LRRFIP1: variants seen among roughly 807,000 people sequenced by gnomAD.
LRRFIP1 encodes the protein leucine-rich repeat flightless-interacting protein 1.
Under a neutral mutation model 104.4 loss-of-function variants are expected in LRRFIP1, and 62 were observed. The ratio of observed to expected loss-of-function variants is 0.59; its 90% CI spans 0.48 to 0.73. The LOEUF is 0.73. LRRFIP1 is among the 30% of genes least tolerant of loss of function. The pLI is 0.00. For synonymous variants in LRRFIP1, 300 were observed against 299.0 expected, an observed-to-expected ratio of 1.00 and a Z score of -0.03; for missense variants, 796 against 824.5, an observed-to-expected ratio of 0.97 and a Z score of 0.42.
intron 1 of LRRFIP1, chr2:237,692,324 C>G (rs968466056): frequency 2.4e-6 from 3 of 1,231,534 alleles, no homozygotes; most frequent in Non-Finnish European, 2.0e-6. Context: ...CCCGGAAGCG[C>G]GAGCGTTCAC....
intron 1 of LRRFIP1, among the ~76,000 whole-genome samples, chr2:237,644,462 C>T (rs916248269): frequency 6.6e-6 from 1 of 152,198 alleles, no homozygotes; most frequent in Non-Finnish European, 1.5e-5. Context: ...TCCTCAAGAG[C>T]CCTGGGCACC....
Position 237,717,733 on chromosome 2 carries a change from G to C in LRRFIP1, c.202-29G>C. 6.4e-7 allele frequency: 1 copy of C among 1,569,556 alleles called. No individual in the cohort carries two copies. The highest frequency in any genetic ancestry group is 1.1e-5 in the South Asian group (1 of 90,196). ...GCCTTTTTAAGAAATTTCACTTCTT[G>C]CCTAATTTTCTTTCCCTTCTGTCTA... On this transcript the variant is annotated intron_variant, in intron 3 of 23. Coordinates refer to ENST00000308482, the MANE Select transcript of LRRFIP1 (RefSeq NM_001137550.2). This position sits in a 1 kb window ranked among gnomAD's most constrained non-coding sequence, Gnocchi z 4.2.
intron 16 of LRRFIP1, among the ~76,000 whole-genome samples, chr2:237,757,080 C>T (rs767898085): frequency 5.3e-5 from 8 of 152,170 alleles, no homozygotes; most frequent in Non-Finnish European, 1.2e-4. Context: ...GCCCATAAGA[C>T]TCATTTTGGA....
At chr2:237,695,374 C>T (rs2149808165) in intron 1 of LRRFIP1, among the ~76,000 whole-genome samples, 1 of 152,322 alleles carries the variant, frequency 6.6e-6, no homozygotes, top group African/African-American at 2.4e-5. Context: ...AACGGTGTTT[C>T]AGCGAAGTTG....
At chr2:237,643,682 G>T (rs1191504151) in intron 1 of LRRFIP1, among the ~76,000 whole-genome samples, 1 of 152,250 alleles carries the variant, frequency 6.6e-6, no homozygotes, top group Non-Finnish European at 1.5e-5. Context: ...GCAGACCCTG[G>T]ATCACTAGCG....
intron 1 of LRRFIP1, among the ~76,000 whole-genome samples, chr2:237,648,788 C>G (rs2085410344): frequency 6.6e-6 from 1 of 151,028 alleles, no homozygotes; most frequent in Non-Finnish European, 1.5e-5. Flanking sequence ...GGATCCCCCT[C>G]AAAGCAGGCA....
At chr2:237,683,750 A>G (rs2092082935) in intron 1 of LRRFIP1, among the ~76,000 whole-genome samples, 1 of 152,194 alleles carries the variant, frequency 6.6e-6, no homozygotes, top group South Asian at 2.1e-4. Context: ...ATGCTGTTTT[A>G]GGATTTCTGT....
At chr2:237,720,981 T>C (rs1409232094) in intron 6 of LRRFIP1, 159 bp downstream of exon 6, 3 of 647,484 alleles carry the variant, frequency 4.6e-6, no homozygotes, top group Non-Finnish European at 8.4e-6. Flanking sequence ...CAATGGGGGA[T>C]GTTTCTTTGT....
At chr2:237,705,460 G>A (rs192483130) in intron 1 of LRRFIP1, among the ~76,000 whole-genome samples, 3 of 152,192 alleles carry the variant, frequency 2.0e-5, no homozygotes, top group East Asian at 1.9e-4. Flanking sequence ...CCAGGAGTTC[G>A]AGACCAGCCT....
intron 1 of LRRFIP1, among the ~76,000 whole-genome samples, chr2:237,705,137 G>C (rs960094224): frequency 6.6e-6 from 1 of 152,104 alleles, no homozygotes; most frequent in African/African-American, 2.4e-5. Flanking sequence ...GGCCAGACCC[G>C]AGCAGAGCTA....
At chr2:237,763,355 A>C in intron 19 of LRRFIP1, 1 of 1,614,114 alleles carries the variant, frequency 6.2e-7, no homozygotes, top group African/African-American at 1.3e-5. Context: ...CTTAGATATG[A>C]AAGAGCCCGA....
rs577654110 is a variant in LRRFIP1, at chr2:237,668,245, C to T, written c.97-40299C>T. 5.9e-5 allele frequency among the ~76,000 whole-genome samples: 9 copies of T among 152,210 alleles called. No individual in the cohort carries two copies. In the East Asian group the frequency reaches 1.7e-3, roughly 30 times the overall value. On this transcript the variant is annotated intron_variant, in intron 1 of 23. Transcript: ENST00000308482. ...CCAGTCCATCTGCTTCCAAGATTGG[C>T]CCCACCACACCTGCATCTTCATCTT...
intron 23 of LRRFIP1, among the ~76,000 whole-genome samples, chr2:237,775,633 A>G (rs2061019202): frequency 6.6e-6 from 1 of 152,166 alleles, no homozygotes; most frequent in Admixed American, 6.5e-5. Flanking sequence ...GGAGTTCAAG[A>G]CCAGTGTGGG....
chr2:237,752,349 T>C (rs1007000180), intron 14 of LRRFIP1, among the ~76,000 whole-genome samples: 2 of 152,196 alleles, frequency 1.3e-5, no homozygotes, highest in Admixed American at 1.3e-4. Context: ...GAGGCTGCAG[T>C]GAGCCGAGAT....
At chr2:237,705,957 G>T (rs1057412896) in intron 1 of LRRFIP1, among the ~76,000 whole-genome samples, 16 of 152,260 alleles carry the variant, frequency 1.1e-4, no homozygotes, top group Non-Finnish European at 1.5e-5. Flanking sequence ...CTTTTAAAGG[G>T]CTTGCCTGAT....
chr2:237,664,051 G>C (rs1280819551), intron 1 of LRRFIP1, among the ~76,000 whole-genome samples: 1 of 151,940 alleles, frequency 6.6e-6, no homozygotes, highest in Non-Finnish European at 1.5e-5. Flanking sequence ...AAGGGTGGGG[G>C]CAGAGGGGAA....
Position 237,762,930 on chromosome 2 carries a change from A to C in LRRFIP1, c.1459+2725A>C, listed in dbSNP as rs1249183921. 4.3e-6 allele frequency: 7 copies of C among 1,614,080 alleles called. No homozygotes were observed. In the Admixed American group the frequency reaches 1.2e-4, roughly 27 times the overall value. ...GATGACAGGACCAGAACTCCCCTTG[A>C]GCCATCCAACTGTTGGAGTGACTTA... On this transcript the variant is annotated intron_variant, in intron 19 of 23. Coordinates refer to ENST00000308482, the MANE Select transcript of LRRFIP1 (RefSeq NM_001137550.2).
chr2:237,657,935 C>T (rs770585448), intron 1 of LRRFIP1, among the ~76,000 whole-genome samples: 27 of 152,024 alleles, frequency 1.8e-4, no homozygotes, highest in Non-Finnish European at 3.2e-4. Flanking sequence ...TTTTTTAAAC[C>T]CCAAGGTTCA....
At chr2:237,670,238 C>T (rs921334103) in intron 1 of LRRFIP1, among the ~76,000 whole-genome samples, 1 of 151,808 alleles carries the variant, frequency 6.6e-6, no homozygotes, top group Non-Finnish European at 1.5e-5. Context: ...TGCACCGGGA[C>T]GTCAGTGCCC....
Sources: allele counts gnomAD v4.1 joint callset (sites outside exome capture counted in the v4.1 genomes callset), GRCh38; gene constraint gnomAD v4.1.1; non-coding constraint Gnocchi (gnomAD v3.1); transcripts MANE v1.5; gene names NCBI Gene and HGNC (gene_info 2026-07-23, HGNC 2026-07-21).